The following NREP variants were observed in gnomAD, a reference collection of about 807,000 sequenced individuals.
NREP encodes neuronal regeneration-related protein.
In NREP, 5 loss-of-function variants were observed where a neutral mutation model predicts 8.6. The observed-to-expected ratio is 0.58, with a 90% confidence interval of 0.30 to 1.22. The LOEUF is 1.22. Among genes scored for constraint, NREP ranks in the 50% most tolerant of loss-of-function variants. The probability of loss-of-function intolerance (pLI) is 0.07; values close to 1 mark genes in which losing one functional copy is unlikely to be tolerated. For synonymous variants in NREP, 27 were observed against 28.0 expected (o/e 0.96, Z 0.11); for missense variants, 86 against 82.5 (o/e 1.04, Z -0.17).
intron 2 of NREP, among the ~76,000 whole-genome samples, chr5:111,742,654 C>G (rs766145261): frequency 6.6e-6 from 1 of 152,058 alleles, no homozygotes; most frequent in African/African-American, 2.4e-5. Flanking sequence ...CGACTTAAAA[C>G]CATTCATTAC....
chr5:111,801,471 T>C (rs550575388), intron 2 of NREP, among the ~76,000 whole-genome samples: 16 of 152,322 alleles, frequency 1.1e-4, no homozygotes, highest in African/African-American at 3.6e-4. Context: ...ATGTTAAAGA[T>C]GGTGACATAG....
rs143628045 is a variant in NREP at position 111,817,370 on chromosome 5, A to C, written c.136-81863T>G. Among the ~76,000 whole-genome samples the C allele has an allele frequency of 7.2e-3, 1,102 of 152,260 alleles. 10 individuals are homozygous for C. The highest frequency in any genetic ancestry group is 8.9e-3 in the Non-Finnish European group (605 of 68,014). On this transcript the variant is annotated intron_variant, in intron 2 of 3. Coordinates refer to the NREP transcript ENST00000395634. ...TTCTCAATACCAGTGGGAAAGCTTA[A>C]ATTTTTACCTTTAATTTTGATGCAT...
chr5:111,849,610 C>T (rs1753261078), intron 2 of NREP, among the ~76,000 whole-genome samples: 1 of 152,070 alleles, frequency 6.6e-6, no homozygotes, highest in African/African-American at 2.4e-5. Flanking sequence ...TAGCCAACAG[C>T]TTGTCAAATT....
intron 2 of NREP, among the ~76,000 whole-genome samples, chr5:111,913,269 T>C (rs1754964098): frequency 6.6e-6 from 1 of 152,122 alleles, no homozygotes; most frequent in East Asian, 1.9e-4. Flanking sequence ...CTTTCTGCTA[T>C]TTTGCACTAC....
chr5:111,771,911 A>G (rs953934526), intron 2 of NREP, among the ~76,000 whole-genome samples: 4 of 152,202 alleles, frequency 2.6e-5, no homozygotes, highest in Non-Finnish European at 4.4e-5. Context: ...TTAGCTAGAG[A>G]ACTGAAGCAA....
At chr5:111,776,078 G>A (rs1487003219) in intron 2 of NREP, among the ~76,000 whole-genome samples, 1 of 152,118 alleles carries the variant, frequency 6.6e-6, no homozygotes, top group African/African-American at 2.4e-5. Context: ...GAGGTGAATA[G>A]CCTCAAACCC....
chr5:111,833,277 GTT>G (rs1334845386), intron 2 of NREP, among the ~76,000 whole-genome samples: 1 of 152,172 alleles, frequency 6.6e-6, no homozygotes, highest in Non-Finnish European at 1.5e-5. Flanking sequence ...CCTCAGGACA[GTT>G]TATCCTACAA....
intron 2 of NREP, among the ~76,000 whole-genome samples, chr5:111,782,653 A>C (rs1388119612): frequency 2.0e-5 from 3 of 152,148 alleles, no homozygotes; most frequent in East Asian, 3.8e-4. Flanking sequence ...ACAGAGAAAA[A>C]CCAGAAATTT....
intron 2 of NREP, among the ~76,000 whole-genome samples, chr5:111,914,580 G>T (rs1452937472): frequency 6.6e-6 from 1 of 152,114 alleles, no homozygotes; most frequent in Non-Finnish European, 1.5e-5. Flanking sequence ...CACAGCAGTA[G>T]GATGGACGTG....
intron 2 of NREP, among the ~76,000 whole-genome samples, chr5:111,803,530 T>A (rs1752065402): frequency 6.6e-6 from 1 of 152,178 alleles, no homozygotes; most frequent in Non-Finnish European, 1.5e-5. Flanking sequence ...TATTTCAGCA[T>A]TTGGGGGTCT....
rs74682271 is a variant in NREP at position 111,923,888 on chromosome 5, G to A, written c.135+51386C>T. On this transcript the variant is annotated intron_variant, in intron 2 of 3. Coordinates refer to the NREP transcript ENST00000395634. Reference sequence around the variant, plus strand: ...TTTTTGATTCTGGATCCCAAATCAAGGTGGTTAAAGACCCTTTTTGATTCT... The same window carrying A: ...TTTTTGATTCTGGATCCCAAATCAAAGTGGTTAAAGACCCTTTTTGATTCT... 6.6e-5 allele frequency among the ~76,000 whole-genome samples: 10 copies of A among 152,120 alleles called. No homozygotes were observed. In the East Asian group the frequency reaches 1.9e-3, roughly 29 times the overall value.
intron 2 of NREP, among the ~76,000 whole-genome samples, chr5:111,741,476 G>A (rs957087638): frequency 6.6e-6 from 1 of 152,100 alleles, no homozygotes; most frequent in African/African-American, 2.4e-5. Flanking sequence ...AGGGCCAAAT[G>A]TAAACTGAAA....
intron 2 of NREP, among the ~76,000 whole-genome samples, chr5:111,878,370 G>A (rs952582623): frequency 6.6e-6 from 1 of 152,086 alleles, no homozygotes; most frequent in East Asian, 1.9e-4. Flanking sequence ...CTTACATGGC[G>A]GCAGGTGAGA....
At chr5:111,738,162 A>C (rs1485202193) in intron 2 of NREP, 1 of 152,218 alleles carries the variant, frequency 6.6e-6, no homozygotes, top group Non-Finnish European at 1.5e-5. Context: ...ACCGTGGTAA[A>C]TTACTGGAAA....
intron 2 of NREP, among the ~76,000 whole-genome samples, chr5:111,955,449 C>G (rs1170659493): frequency 6.8e-6 from 1 of 147,424 alleles, no homozygotes; most frequent in African/African-American, 2.5e-5. Context: ...TGGCCATAAA[C>G]TACACAGGGG....
intron 2 of NREP, among the ~76,000 whole-genome samples, chr5:111,771,300 C>T (rs13436610): frequency 4.6e-5 from 7 of 152,094 alleles, no homozygotes; most frequent in African/African-American, 1.7e-4. Flanking sequence ...GTTAGGCATT[C>T]GTTAACTCAT....
chr5:111,881,761 G>A (rs1001362305), intron 2 of NREP, among the ~76,000 whole-genome samples: 12 of 152,172 alleles, frequency 7.9e-5, no homozygotes, highest in Non-Finnish European at 1.5e-4. Context: ...CAGACCTGCA[G>A]CTGAGGGTCC....
upstream of NREP, chr5:111,757,335 G>A: frequency 1.2e-6 from 1 of 860,194 alleles, no homozygotes; most frequent in Non-Finnish European, 1.4e-6. Flanking sequence ...TCACTTCCAA[G>A]AAGTGCAGCC....
intron 2 of NREP, among the ~76,000 whole-genome samples, chr5:111,882,475 G>C (rs1336961259): frequency 6.6e-6 from 1 of 152,146 alleles, no homozygotes; most frequent in Non-Finnish European, 1.5e-5. Flanking sequence ...AGGAAATACA[G>C]AGAACGCAAC....
Sources: allele counts gnomAD v4.1 joint callset (sites outside exome capture counted in the v4.1 genomes callset), GRCh38; gene constraint gnomAD v4.1.1; transcripts MANE v1.5; gene names NCBI Gene and HGNC (gene_info 2026-07-23, HGNC 2026-07-21).